TTLL1: variants seen among roughly 807,000 people sequenced by gnomAD.
TTLL1 encodes the protein TTL family tubulin polyglutamylase complex subunit L1.
In TTLL1, 33 loss-of-function variants were observed where a neutral mutation model predicts 47.8. The observed-to-expected ratio is 0.69, with a 90% CI of 0.52 to 0.92. The LOEUF is 0.92. Ranked by LOEUF, TTLL1 falls within the 40% of genes least tolerant of loss-of-function variation. The pLI is 0.00. For synonymous variants in TTLL1, 225 were observed against 214.1 expected (o/e 1.05, Z -0.45); for missense variants, 488 against 547.5 (o/e 0.89, Z 1.08).
intron 8 of TTLL1, among the ~76,000 whole-genome samples, chr22:43,055,279 C>T (rs1027102579): frequency 6.6e-6 from 1 of 151,934 alleles, no homozygotes; most frequent in Admixed American, 6.6e-5. Flanking sequence ...CCACCTCAGC[C>T]TCTCAAAGTG....
At chr22:43,084,549 TG>T (rs1267448744) in intron 1 of TTLL1, among the ~76,000 whole-genome samples, 3 of 152,120 alleles carry the variant, frequency 2.0e-5, no homozygotes, top group Non-Finnish European at 4.4e-5. Context: ...TCGCCCAGGC[TG>T]GAGTGCAGTG....
intron 5 of TTLL1, among the ~76,000 whole-genome samples, chr22:43,067,823 T>C (rs1927839090): frequency 6.6e-6 from 1 of 151,692 alleles, no homozygotes; most frequent in African/African-American, 2.4e-5. Context: ...TTCTTTTTTT[T>C]AGACAGAATC....
intron 3 of TTLL1, among the ~76,000 whole-genome samples, chr22:43,071,373 G>A (rs757265073): frequency 1.3e-5 from 2 of 152,164 alleles, no homozygotes; most frequent in East Asian, 3.9e-4. Flanking sequence ...AGTGGCTCAC[G>A]TCTGTAATCC....
intron 8 of TTLL1, among the ~76,000 whole-genome samples, chr22:43,057,496 T>C (rs1927095886): frequency 6.6e-6 from 1 of 152,152 alleles, no homozygotes; most frequent in African/African-American, 2.4e-5. Context: ...CAGCTGGCCA[T>C]GGTTACTTTT....
At chr22:43,063,373 G>A (rs552163301) in intron 7 of TTLL1, among the ~76,000 whole-genome samples, 5 of 152,126 alleles carry the variant, frequency 3.3e-5, no homozygotes, top group East Asian at 3.9e-4. Flanking sequence ...CATCAGTGCC[G>A]GACCTTAGAC....
At chr22:43,052,106 C>T (rs987186803) in intron 8 of TTLL1, 4 of 555,390 alleles carry the variant, frequency 7.2e-6, no homozygotes, top group South Asian at 1.9e-5. Flanking sequence ...TTGATGAAGC[C>T]GTAATGGGCA....
At chr22:43,046,250 CT>C (rs2146959499) in intron 10 of TTLL1, among the ~76,000 whole-genome samples, 159 bp downstream of exon 10, 1 of 152,148 alleles carries the variant, frequency 6.6e-6, no homozygotes, top group Non-Finnish European at 1.5e-5. Context: ...AAACAAATTG[CT>C]TTTCTGCTAC....
At chr22:43,089,108 A>T (rs1929440945) in intron 1 of TTLL1, among the ~76,000 whole-genome samples, 169 bp downstream of exon 1, 1 of 152,222 alleles carries the variant, frequency 6.6e-6, no homozygotes. Flanking sequence ...CACGGTGGTT[A>T]GCGCGGGCTT....
chr22:43,068,343 G>A, intron 5 of TTLL1, 67 bp downstream of exon 5: 5 of 1,325,582 alleles, frequency 3.8e-6, no homozygotes, highest in Non-Finnish European at 5.0e-6. Flanking sequence ...AACCCACAAA[G>A]ACTGCGAACA....
At chr22:43,084,707 T>A (rs1929117335) in intron 1 of TTLL1, among the ~76,000 whole-genome samples, 1 of 151,516 alleles carries the variant, frequency 6.6e-6, no homozygotes, top group Non-Finnish European at 1.5e-5. Context: ...TTCACCGTGT[T>A]AGCCAGGATG....
intron 7 of TTLL1, 131 bp from the exon 8 acceptor site, chr22:43,059,658 C>T (rs539640443): frequency 1.8e-4 from 219 of 1,197,690 alleles, no homozygotes; most frequent in South Asian, 2.1e-4. Flanking sequence ...GGCAAACATC[C>T]AGACCCCTGC....
intron 3 of TTLL1, 91 bp downstream of exon 3, chr22:43,075,383 G>T (rs978374533): frequency 1.9e-6 from 2 of 1,051,778 alleles, no homozygotes; most frequent in Non-Finnish European, 2.9e-6. Context: ...GGAGACAGTG[G>T]CTCTGAGGCC....
At chr22:43,056,373 A>G (rs980444220) in intron 8 of TTLL1, among the ~76,000 whole-genome samples, 5 of 138,534 alleles carry the variant, frequency 3.6e-5, no homozygotes, top group Admixed American at 7.2e-5. Context: ...AAAAAAATTG[A>G]AAAAAAAAAA....
chr22:43,065,591 A>AT (rs879865288), intron 5 of TTLL1, among the ~76,000 whole-genome samples: 21 of 148,464 alleles, frequency 1.4e-4, no homozygotes, highest in African/African-American at 2.2e-4. Flanking sequence ...ACATGGCCAA[A>AT]TTTTTTTTTT....
chr22:43,069,517 A>G lies in TTLL1; in HGVS notation c.322+119T>C. The G allele has an allele frequency of 2.0e-6, 3 of 1,523,726 alleles. No individual in the cohort carries two copies. The South Asian group carries it at 3.9e-5, about 20-fold the overall frequency. The allele number at this position is 1,523,726 out of a possible 1,614,324, so 94.4% of individuals were successfully genotyped here. On this transcript the variant is annotated intron_variant, in intron 4 of 10. Transcript: ENST00000266254. ...CACCTGAAATGAAACAGGTGCCACC[A>G]CAACTCGCATGGACATGCTCACGCA...
chr22:43,052,063 G>C (rs1926673002), intron 8 of TTLL1, 176 bp from the exon 9 acceptor site: 1 of 620,354 alleles, frequency 1.6e-6, no homozygotes, highest in Non-Finnish European at 2.9e-6. Flanking sequence ...AGAGCTCAGA[G>C]ATTGGGCACT....
At chr22:43,076,022 G>C (rs1325763392) in intron 2 of TTLL1, among the ~76,000 whole-genome samples, 1 of 152,214 alleles carries the variant, frequency 6.6e-6, no homozygotes, top group Non-Finnish European at 1.5e-5. Context: ...CAGGGCAGCT[G>C]GGGAGGGCCA....
At chr22:43,082,147 T>G (rs1267381230) in intron 1 of TTLL1, among the ~76,000 whole-genome samples, 1 of 147,578 alleles carries the variant, frequency 6.8e-6, no homozygotes, top group Non-Finnish European at 1.5e-5. Flanking sequence ...TCACCGCACC[T>G]GGACCCCTTC....
chr22:43,039,976 T>G lies in TTLL1; in HGVS notation c.1143-71A>C, dbSNP rs992620872. ...GCAACAGGCAGGGCCACCAGGCTGCTGTGTGGCAAATATGACATCACCCAG... is the reference window on the plus strand; with the variant it reads ...GCAACAGGCAGGGCCACCAGGCTGCGGTGTGGCAAATATGACATCACCCAG... On this transcript the variant is annotated intron_variant, in intron 10 of 10. Transcript: ENST00000266254. The G allele has an allele frequency of 2.6e-6, 4 of 1,546,310 alleles. No individual in the cohort carries two copies. In the African/African-American group the frequency reaches 5.5e-5, roughly 21 times the overall value.
Sources: gnomAD v4.1 joint callset for allele counts (sites outside exome capture counted in the v4.1 genomes callset) on GRCh38, gnomAD v4.1.1 for gene constraint, MANE v1.5 for transcripts, NCBI Gene and HGNC (gene_info 2026-07-23, HGNC 2026-07-21) for gene names.